The following TAX1BP1 variants were observed in gnomAD, a reference collection of about 807,000 sequenced individuals.
TAX1BP1 encodes the protein Tax1 binding protein 1.
TAX1BP1 carries 62 observed loss-of-function variants against 97.7 expected under a neutral mutation model. The observed-to-expected ratio is 0.63, with a 90% CI of 0.52 to 0.78. The LOEUF (loss-of-function observed/expected upper bound fraction) is 0.78, where lower values mean the gene tolerates loss of function less well. TAX1BP1 is among the 30% of genes least tolerant of loss of function. The pLI, the probability that TAX1BP1 is intolerant of heterozygous loss-of-function variation, is 0.00. For synonymous variants in TAX1BP1, 340 were observed against 304.2 expected (o/e 1.12, Z -1.23); for missense variants, 867 against 916.1 (o/e 0.95, Z 0.69).
chr7:27,828,534 C>A, intron 16 of TAX1BP1, 94 bp from the exon 17 acceptor site: 1 of 1,185,040 alleles, frequency 8.4e-7, no homozygotes, highest in Non-Finnish European at 1.2e-6. Context: ...GTATGAATAT[C>A]AGCTAACTAG....
Position 27,765,959 on chromosome 7 carries a change from A to G in TAX1BP1, c.391A>G (p.Thr131Ala), listed in dbSNP as rs1218755597. Residue 131 changes from threonine to alanine, a missense_variant, in exon 4 of 17, where the codon ACT becomes GCT. Coordinates refer to ENST00000396319, the MANE Select transcript of TAX1BP1 (RefSeq NM_006024.7). Reference sequence around the variant, plus strand: ...TTCTTCTCCAGTTGAAGAGCTGCTTACTATGGAAGATGAAGGAAATTCTGA... The same window carrying G: ...TTCTTCTCCAGTTGAAGAGCTGCTTGCTATGGAAGATGAAGGAAATTCTGA... The part of the protein sequence containing the change: ...RASSPVEELL[T>A]MEDEGNSDML... The G allele has an allele frequency of 1.9e-6, 3 of 1,614,226 alleles. No homozygotes were observed. Among genetic ancestry groups the G allele is most frequent in the Admixed American group, 1.7e-5 (1 of 60,024 alleles).
Position 27,829,061 on chromosome 7 carries a change from G to A in TAX1BP1, c.*232G>A. On this transcript the variant is annotated 3_prime_UTR_variant, in exon 17 of 17. Coordinates refer to ENST00000396319, the MANE Select transcript of TAX1BP1 (RefSeq NM_006024.7). ...ACCTGCTTTAAAAAAAAGTTCTTGT[G>A]TGTTCGTATCTTTATTTATTCCCTA... 2 of 403,734 alleles carry A rather than the reference G, an allele frequency of 5.0e-6. No homozygotes were observed. The highest frequency in any genetic ancestry group is 8.7e-6 in the Non-Finnish European group (2 of 228,894). The allele number at this position is 403,734 out of a possible 1,614,324, so 25.0% of individuals were successfully genotyped here. A position where few individuals can be genotyped will look rare whatever the true frequency, so the allele number is the denominator to read the frequency against.
intron 2 of TAX1BP1, among the ~76,000 whole-genome samples, chr7:27,754,618 G>A (rs1374685058): frequency 1.3e-5 from 2 of 152,068 alleles, no homozygotes; most frequent in Non-Finnish European, 2.9e-5. Flanking sequence ...TATCGCCGAG[G>A]CTGGAGTGCA....
rs563973273 is a variant in TAX1BP1 at position 27,756,476 on chromosome 7, T to C, written c.163-1555T>C. Among the ~76,000 whole-genome samples, 187 of 152,274 alleles carry C rather than the reference T, an allele frequency of 1.2e-3. 1 individual carries two copies. Among genetic ancestry groups the C allele is most frequent in the African/African-American group, 3.0e-3 (125 of 41,580 alleles). On this transcript the variant is annotated intron_variant, in intron 2 of 16. Transcript: ENST00000396319. ...TTCTCAGGCTGCTAACAAGCACTTA[T>C]GTGATAGGCACTGTGCTAAATACAG...
intron 4 of TAX1BP1, 22 bp from the exon 5 acceptor site, chr7:27,769,654 A>G (rs1005812998): frequency 6.4e-7 from 1 of 1,567,590 alleles, no homozygotes; most frequent in Non-Finnish European, 8.6e-7. Flanking sequence ...AAACTAATTA[A>G]TCTGAGTTTT....
intron 4 of TAX1BP1, among the ~76,000 whole-genome samples, chr7:27,767,769 A>G (rs1423928158): frequency 6.6e-6 from 1 of 152,118 alleles, no homozygotes; most frequent in African/African-American, 2.4e-5. Flanking sequence ...ATTGAGACAT[A>G]TCTCATTCTG....
intron 15 of TAX1BP1, among the ~76,000 whole-genome samples, chr7:27,827,367 G>C (rs904471459): frequency 2.0e-5 from 3 of 148,924 alleles, no homozygotes; most frequent in Non-Finnish European, 3.0e-5. Context: ...AAAAAAAAAA[G>C]CAAAAAACTG....
At chr7:27,796,399 C>T (rs1019449368) in intron 12 of TAX1BP1, among the ~76,000 whole-genome samples, 180 bp downstream of exon 12, 6 of 152,014 alleles carry the variant, frequency 3.9e-5, no homozygotes, top group Admixed American at 6.6e-5. Flanking sequence ...TTCACATAGG[C>T]GTGTGTGTAG....
intron 16 of TAX1BP1, 97 bp from the exon 17 acceptor site, chr7:27,828,531 T>C: frequency 2.6e-6 from 3 of 1,139,618 alleles, no homozygotes; most frequent in Non-Finnish European, 3.8e-6. Flanking sequence ...TTAGTATGAA[T>C]ATCAGCTAAC....
intron 11 of TAX1BP1, among the ~76,000 whole-genome samples, chr7:27,795,532 T>C (rs777424140): frequency 2.4e-4 from 37 of 152,134 alleles, no homozygotes; most frequent in Non-Finnish European, 3.5e-4. Flanking sequence ...TGTGCTGTTA[T>C]GGAACTCTTT....
intron 5 of TAX1BP1, among the ~76,000 whole-genome samples, chr7:27,775,332 C>T (rs1207207810): frequency 2.0e-5 from 3 of 152,066 alleles, no homozygotes; most frequent in Non-Finnish European, 4.4e-5. Context: ...TTTTTCTTAT[C>T]AGAATATACC....
chr7:27,779,766 G>A (rs766900084), intron 5 of TAX1BP1, among the ~76,000 whole-genome samples: 23 of 152,108 alleles, frequency 1.5e-4, no homozygotes, highest in Non-Finnish European at 2.4e-4. Context: ...GATTTGCTTT[G>A]CATGATTATT....
chr7:27,792,669 A>C (rs1789762899), intron 9 of TAX1BP1, among the ~76,000 whole-genome samples: 1 of 152,168 alleles, frequency 6.6e-6, no homozygotes, highest in African/African-American at 2.4e-5. Context: ...AAAATCCCAA[A>C]ATAAAAAAGT....
chr7:27,828,515 G>A (rs962272140), intron 16 of TAX1BP1, 113 bp from the exon 17 acceptor site: 2 of 941,304 alleles, frequency 2.1e-6, no homozygotes, highest in Non-Finnish European at 1.6e-6. Flanking sequence ...TTTTAAGGTA[G>A]GTTGTTTAGT....
chr7:27,770,076 G>T (rs1788788629), intron 5 of TAX1BP1, among the ~76,000 whole-genome samples: 1 of 152,012 alleles, frequency 6.6e-6, no homozygotes, highest in South Asian at 2.1e-4. Flanking sequence ...GGTAGTCCCT[G>T]ACAACTATTT....
rs1232933495 is a variant in TAX1BP1, at chr7:27,753,334, A to G, written c.162+4648A>G. On this transcript the variant is annotated intron_variant, in intron 2 of 16. Transcript: ENST00000396319. Reference sequence around the variant, plus strand: ...AATAAAAAGAACTGCACCTGATGCCATATCTTTATTATTAAACCAACGTTA... The same window carrying G: ...AATAAAAAGAACTGCACCTGATGCCGTATCTTTATTATTAAACCAACGTTA... Among the ~76,000 whole-genome samples, 3 of 152,218 alleles carry G rather than the reference A, an allele frequency of 2.0e-5. No individual in the cohort carries two copies. The East Asian group carries it at 5.8e-4, about 29-fold the overall frequency.
At chr7:27,808,876 T>C (rs767791455) in intron 13 of TAX1BP1, among the ~76,000 whole-genome samples, 22 of 152,208 alleles carry the variant, frequency 1.4e-4, no homozygotes, top group Admixed American at 9.8e-4. Context: ...GCTACACTTA[T>C]GTTATCCATG....
At chr7:27,771,445 G>A (rs1194132597) in intron 5 of TAX1BP1, among the ~76,000 whole-genome samples, 6 of 151,620 alleles carry the variant, frequency 4.0e-5, no homozygotes, top group African/African-American at 1.2e-4. Context: ...TAGGAATGGC[G>A]GAATGATAGG....
intron 15 of TAX1BP1, among the ~76,000 whole-genome samples, chr7:27,820,223 C>G (rs1440190959): frequency 6.6e-6 from 1 of 152,310 alleles, no homozygotes; most frequent in Middle Eastern, 3.4e-3. Flanking sequence ...TCATTCCTTT[C>G]TCCTCTATCA....
Sources: allele counts gnomAD v4.1 joint callset (sites outside exome capture counted in the v4.1 genomes callset), GRCh38; gene constraint gnomAD v4.1.1; transcripts MANE v1.5; gene names NCBI Gene and HGNC (gene_info 2026-07-23, HGNC 2026-07-21).